Variants in KIF12 observed in about 807,000 individuals in gnomAD.
The protein encoded by KIF12 is kinesin family member 12, also known as kinesin-like protein KIF12.
KIF12 carries 80 observed loss-of-function variants against 87.9 expected under a neutral mutation model. That is an observed-to-expected ratio of 0.91 (90% CI 0.76 to 1.10). The LOEUF is 1.10. Among genes scored for constraint, KIF12 ranks in the 50% least tolerant of loss-of-function variants. KIF12 has a pLI of 0.00. For missense variants in KIF12, 819 were observed against 865.3 expected (o/e 0.95, Z 0.67); for synonymous variants, 353 against 348.5 (o/e 1.01, Z -0.14).
Position 114,091,959 on chromosome 9 carries a change from G to A in KIF12, c.1858C>T (p.Leu620Phe). 6.2e-7 allele frequency: 1 copy of A among 1,612,816 alleles called. No individual in the cohort carries two copies. Among genetic ancestry groups the A allele is most frequent in the Non-Finnish European group, 8.5e-7 (1 of 1,179,756 alleles). The change falls in exon 19 of 19, where the codon CTC becomes TTC. Residue 620 changes from leucine to phenylalanine, a missense_variant. Leu to Phe is a conservative substitution (Grantham distance 22, BLOSUM62 0). Coordinates refer to ENST00000640217, the MANE Select transcript of KIF12 (RefSeq NM_001388308.1). ...VPNLAQRLEA[L>F]RDQIGSSLRR... ...AGGGAGCTGCCAATCTGGTCTCTGAGGGCCTCCAGTCTCTGGGCCAGGTTT... is the reference window on the plus strand; with the variant it reads ...AGGGAGCTGCCAATCTGGTCTCTGAAGGCCTCCAGTCTCTGGGCCAGGTTT...
intron 11 of KIF12, 132 bp downstream of exon 11, chr9:114,094,891 T>C (rs1281919624): frequency 5.1e-6 from 4 of 784,130 alleles, no homozygotes; most frequent in Non-Finnish European, 7.9e-6. Context: ...ATGATACCGA[T>C]TCCAGGATTC....
intron 11 of KIF12, 149 bp from the exon 12 acceptor site, chr9:114,094,604 C>G: frequency 1.6e-6 from 1 of 612,124 alleles, no homozygotes; most frequent in Non-Finnish European, 2.9e-6. Context: ...CTGTATCTGC[C>G]TGGAAGGGGC....
rs1309708241 is a variant in KIF12, at chr9:114,097,355, G to A, written c.592C>T (p.Leu198=). 6 of 1,610,986 alleles carry A rather than the reference G, an allele frequency of 3.7e-6. No homozygotes were observed. The highest frequency in any genetic ancestry group is 5.1e-6 in the Non-Finnish European group (6 of 1,179,342). The change falls in exon 7 of 19, where the codon CTG becomes TTG. Residue 198 remains leucine (L), a synonymous_variant. Transcript: ENST00000640217. ...NKTRGFYVEQ[L]RVVEFGSLEA... is the part of the protein sequence containing the mutation. Reference sequence around the variant, plus strand: ...AGACTCCCAAATTCCACCACCCGCAGCTGCTCCACATAGAAGCCCCGAGTC... The same window carrying A: ...AGACTCCCAAATTCCACCACCCGCAACTGCTCCACATAGAAGCCCCGAGTC...
chr9:114,095,971 T>C, intron 9 of KIF12, 80 bp downstream of exon 9: 2 of 1,447,382 alleles, frequency 1.4e-6, no homozygotes, highest in Non-Finnish European at 1.9e-6. Flanking sequence ...ACAACTCCTC[T>C]GGTATCCCCC....
intron 16 of KIF12, 55 bp downstream of exon 16, chr9:114,093,174 A>C (rs1847065596): frequency 1.4e-6 from 2 of 1,445,446 alleles, no homozygotes; most frequent in Non-Finnish European, 1.9e-6. Flanking sequence ...TGACTCCTGG[A>C]TCAAGGTCTC....
At chr9:114,092,126 AC>A in intron 18 of KIF12, 126 bp from the exon 19 acceptor site, 1 of 588,942 alleles carries the variant, frequency 1.7e-6, no homozygotes, top group Non-Finnish European at 2.5e-6. Context: ...CCCCCACCCC[AC>A]CCCCATACAC....
At chr9:114,092,927 G>A (rs1271767277) in intron 16 of KIF12, 2 of 1,430,948 alleles carry the variant, frequency 1.4e-6, no homozygotes, top group Non-Finnish European at 1.8e-6. Context: ...AAGGAGCTTG[G>A]GGAGTTACTG....
intron 7 of KIF12, 151 bp downstream of exon 7, chr9:114,097,150 G>T: frequency 1.2e-6 from 1 of 801,586 alleles, no homozygotes; most frequent in Non-Finnish European, 1.8e-6. Flanking sequence ...CTTGGGCCAT[G>T]CCTTTGAATT....
chr9:114,097,537 A>T (rs1053008247), intron 6 of KIF12, 70 bp downstream of exon 6: 1 of 1,599,642 alleles, frequency 6.3e-7, no homozygotes, highest in Non-Finnish European at 8.5e-7. Flanking sequence ...CTGTCCTTTG[A>T]TCCAGGCTCC....
intron 16 of KIF12, chr9:114,093,004 T>A: frequency 1.5e-6 from 2 of 1,306,970 alleles, no homozygotes; most frequent in Non-Finnish European, 2.0e-6. Flanking sequence ...AATGAATAAG[T>A]GAATGACAGA....
At chr9:114,094,500 C>T (rs185740710) in intron 11 of KIF12, 45 bp from the exon 12 acceptor site, 102 of 1,187,378 alleles carry the variant, frequency 8.6e-5, no homozygotes, top group Admixed American at 5.5e-4. Flanking sequence ...TTGTATAAGT[C>T]GTGCACTGCA....
chr9:114,094,960 A>G (rs1476274253), intron 11 of KIF12, 63 bp downstream of exon 11: 29 of 1,405,720 alleles, frequency 2.1e-5, no homozygotes, highest in Non-Finnish European at 2.7e-5. Context: ...TCAGGCTCCA[A>G]CTCCTGCCTG....
At position 114,093,486 on chromosome 9, in the gene KIF12, G is replaced by A; in HGVS notation, c.1412C>T (p.Ser471Phe). The A allele has an allele frequency of 6.4e-7, 1 of 1,558,568 alleles. No homozygotes were observed. The highest frequency in any genetic ancestry group is 8.7e-7 in the Non-Finnish European group (1 of 1,150,618). The change falls in exon 15 of 19, where the codon TCT (serine) becomes TTT (phenylalanine). Residue 471 changes from serine (S) to phenylalanine (F), a missense_variant. Transcript: ENST00000640217. The part of the protein sequence containing the change: ...QVHALERRLL[S>F]ACYHHQQGPG... Reference sequence around the variant, plus strand: ...ACCCTGCTGGTGATGGTAGCAGGCAGAGAGGAGACGCCTAGAAAGAACAGC... The same window carrying A: ...ACCCTGCTGGTGATGGTAGCAGGCAAAGAGGAGACGCCTAGAAAGAACAGC...
chr9:114,093,336 G>A lies in KIF12; in HGVS notation c.1492-3C>T, dbSNP rs765357219. ...CAGGAGTAGAGGGGTGGCAGTGCCT[G>A]CAAAAAGGTGCGTCAGAGGCTCCAT... is the stretch of plus-strand genomic sequence containing the variant. On this transcript the variant is annotated splice_polypyrimidine_tract_variant and splice_region_variant and intron_variant, in intron 15 of 18. Coordinates refer to ENST00000640217, the MANE Select transcript of KIF12 (RefSeq NM_001388308.1). 1.6e-5 allele frequency: 25 copies of A among 1,556,186 alleles called. No homozygotes were observed. The Admixed American group carries it at 4.7e-4, about 29-fold the overall frequency.
Position 114,095,064 on chromosome 9 carries a change from T to C in KIF12, c.1078A>G (p.Ser360Gly). 6.2e-7 allele frequency: 1 copy of C among 1,609,904 alleles called. No individual in the cohort carries two copies. Among genetic ancestry groups the C allele is most frequent in the Non-Finnish European group, 8.5e-7 (1 of 1,177,932 alleles). Reference sequence around the variant, plus strand: ...CGGGTGGTGACCCGCTGAGCTCGGCTTGCATATCGCAGGGTGCTGAGAGTC... The same window carrying C: ...CGGGTGGTGACCCGCTGAGCTCGGCCTGCATATCGCAGGGTGCTGAGAGTC... ...PETLSTLRYA[S>G]RAQRVTTRPQ... is the part of the protein sequence containing the mutation. The change falls in exon 11 of 19, where the codon AGC (serine) becomes GGC (glycine). Residue 360 changes from serine (S) to glycine (G), a missense_variant. Physicochemically the swap from Ser to Gly is moderately conservative, Grantham distance 56. Transcript: ENST00000640217.
rs1249352478 is a variant in KIF12 at position 114,091,933 on chromosome 9, C to T, written c.1884G>A (p.Leu628=). The change falls in exon 19 of 19, where the codon CTG becomes CTA. Residue 628 remains leucine (L), a synonymous_variant. Transcript: ENST00000640217. ...AGGGTGGCTGGCTGCGGCCACGTCGCAGGGAGCTGCCAATCTGGTCTCTGA... is the reference window on the plus strand; with the variant it reads ...AGGGTGGCTGGCTGCGGCCACGTCGTAGGGAGCTGCCAATCTGGTCTCTGA... ...EALRDQIGSS[L]RRGRSQPPCS... 2 of 1,612,450 alleles carry T rather than the reference C, an allele frequency of 1.2e-6. No individual in the cohort carries two copies. Among genetic ancestry groups the T allele is most frequent in the Non-Finnish European group, 1.7e-6 (2 of 1,179,678 alleles).
rs374557934 is a variant in KIF12, at chr9:114,094,430, C to T, written c.1145G>A (p.Arg382His). 2.6e-5 allele frequency: 42 copies of T among 1,613,670 alleles called. No homozygotes were observed. Among genetic ancestry groups the T allele is most frequent in the South Asian group, 1.4e-4 (13 of 91,040 alleles). Reference sequence around the variant, plus strand: ...GAGCTGCAGCATCTCTGTCTCCAAACGCTGGGGCTGCTTTGCCACAGGAGA... The same window carrying T: ...GAGCTGCAGCATCTCTGTCTCCAAATGCTGGGGCTGCTTTGCCACAGGAGA... ...PKSPVAKQPQ[R>H]LETEMLQLQE... Residue 382 changes from arginine to histidine, a missense_variant, in exon 12 of 19, where the codon CGT becomes CAT. Physicochemically the swap from Arg to His is conservative, Grantham distance 29. Coordinates refer to ENST00000640217, the MANE Select transcript of KIF12 (RefSeq NM_001388308.1).
chr9:114,092,949 G>C, intron 16 of KIF12: 1 of 1,424,364 alleles, frequency 7.0e-7, no homozygotes, highest in Non-Finnish European at 9.2e-7. Flanking sequence ...AGGAGTAAGT[G>C]AATGTATGAT....
intron 10 of KIF12, 43 bp from the exon 11 acceptor site, chr9:114,095,170 C>T: frequency 6.2e-7 from 1 of 1,610,700 alleles, no homozygotes; most frequent in Middle Eastern, 1.7e-4. Flanking sequence ...CTGAGGGCCC[C>T]TTCCTCAAGA....
Sources: allele counts gnomAD v4.1 joint callset, GRCh38; gene constraint gnomAD v4.1.1; transcripts MANE v1.5; gene names NCBI Gene and HGNC (gene_info 2026-07-23, HGNC 2026-07-21).